DPP6: variants seen among roughly 807,000 people sequenced by gnomAD.
The protein encoded by DPP6 is A-type potassium channel modulatory protein DPP6.
In DPP6, 69 loss-of-function variants were observed where a neutral mutation model predicts 122.6. The ratio of observed to expected loss-of-function variants is 0.56; its 90% CI spans 0.46 to 0.69. The LOEUF (loss-of-function observed/expected upper bound fraction) is 0.69, where lower values mean the gene tolerates loss of function less well. DPP6 is among the 30% of genes least tolerant of loss of function. The pLI is 0.00. For missense variants in DPP6, 928 were observed against 1,116.9 expected, an observed-to-expected ratio of 0.83 and a Z score of 2.41; for synonymous variants, 418 against 433.1, an observed-to-expected ratio of 0.97 and a Z score of 0.43.
chr7:154,335,273 A>G (rs144813732), intron 1 of DPP6, among the ~76,000 whole-genome samples: 1 of 152,258 alleles, frequency 6.6e-6, no homozygotes, highest in Admixed American at 6.5e-5. Flanking sequence ...TGCTTCTCAC[A>G]TCTCTTACAC....
At chr7:154,775,616 T>C (rs1796511577) in intron 10 of DPP6, among the ~76,000 whole-genome samples, 1 of 151,760 alleles carries the variant, frequency 6.6e-6, no homozygotes, top group African/African-American at 2.4e-5. Context: ...AGAAGCTAGT[T>C]GTATAGAGGC....
At chr7:154,546,438 G>C (rs527658820) in intron 4 of DPP6, among the ~76,000 whole-genome samples, 4 of 150,844 alleles carry the variant, frequency 2.7e-5, no homozygotes, top group East Asian at 1.9e-4. Context: ...GTATGTAAGA[G>C]CTGTAGACAG....
intron 7 of DPP6, among the ~76,000 whole-genome samples, chr7:154,675,678 C>T (rs4960724): frequency 0.12 from 18,432 of 152,228 alleles, 1,206 homozygotes; most frequent in African/African-American, 0.16. Flanking sequence ...GACATGGTCC[C>T]TTTCCTCACT....
chr7:153,886,381 A>G (rs1798913908), upstream of DPP6, among the ~76,000 whole-genome samples: 1 of 152,008 alleles, frequency 6.6e-6, no homozygotes, highest in Non-Finnish European at 1.5e-5. Context: ...CTTGGGGTGG[A>G]GGTTAGAGAA....
the DPP6 span, among the ~76,000 whole-genome samples, chr7:153,827,060 T>C: frequency 6.6e-6 from 1 of 152,030 alleles, no homozygotes; most frequent in South Asian, 2.1e-4. Context: ...AAGACCATGT[T>C]TGAAAAGAAA....
rs1184154576 is a variant in DPP6, at chr7:154,030,803, C to CGGGTG, written c.51+143069_51+143070insGGGTG. On this transcript the variant is annotated intron_variant, in intron 1 of 25. Transcript: ENST00000404039. ...AGTCCCTGGTGACCACTCACACAGCCTGATCTGCTGCCAACATCTACCCCT... is the reference window on the plus strand; with the variant it reads ...AGTCCCTGGTGACCACTCACACAGCCGGGTGTGATCTGCTGCCAACATCTACCCCT... Among the ~76,000 whole-genome samples the CGGGTG allele has an allele frequency of 1.2e-4, 19 of 152,284 alleles. No individual in the cohort carries two copies. The East Asian group carries it at 3.7e-3, about 29-fold the overall frequency.
At chr7:154,574,239 G>GTGTGGTGTA (rs1831308348) in intron 5 of DPP6, among the ~76,000 whole-genome samples, 1 of 147,140 alleles carries the variant, frequency 6.8e-6, no homozygotes, top group South Asian at 2.2e-4. Flanking sequence ...TGTGTGGTGT[G>GTGTGGTGTA]GTGTGTATGT....
intron 1 of DPP6, among the ~76,000 whole-genome samples, chr7:154,087,628 C>T (rs955198550): frequency 1.3e-5 from 2 of 152,128 alleles, no homozygotes; most frequent in African/African-American, 4.8e-5. Context: ...GTCCCTAATC[C>T]AAGCCAGGAG....
intron 8 of DPP6, among the ~76,000 whole-genome samples, chr7:154,739,358 A>G (rs1842713825): frequency 6.6e-6 from 1 of 152,178 alleles, no homozygotes; most frequent in Non-Finnish European, 1.5e-5. Context: ...ATCTCTCAGA[A>G]TCAACAGGAA....
At chr7:154,054,857 C>T (rs1448426865) in intron 1 of DPP6, among the ~76,000 whole-genome samples, 1 of 149,440 alleles carries the variant, frequency 6.7e-6, no homozygotes, top group Non-Finnish European at 1.5e-5. Context: ...CTCTAGGTGT[C>T]GCTAGGAGAA....
At chr7:153,816,666 C>T in the DPP6 span, among the ~76,000 whole-genome samples, 1 of 152,104 alleles carries the variant, frequency 6.6e-6, no homozygotes, top group African/African-American at 2.4e-5. Flanking sequence ...TGACAAATTT[C>T]TGCAAGACAG....
chr7:154,865,546 C>G (rs1044214457), intron 17 of DPP6: 1 of 151,984 alleles, frequency 6.6e-6, no homozygotes, highest in Non-Finnish European at 1.5e-5. Flanking sequence ...AACTTCTAAA[C>G]ACCAGAAACT....
intron 2 of DPP6, among the ~76,000 whole-genome samples, chr7:154,454,878 G>A (rs1323528025): frequency 6.6e-6 from 1 of 152,134 alleles, no homozygotes; most frequent in Non-Finnish European, 1.5e-5. Flanking sequence ...GGATCTGCTT[G>A]AGCGTTTATC....
intron 1 of DPP6, among the ~76,000 whole-genome samples, chr7:154,129,172 A>G (rs1336076633): frequency 6.6e-6 from 1 of 151,908 alleles, no homozygotes; most frequent in Non-Finnish European, 1.5e-5. Flanking sequence ...GTCAGAGAGG[A>G]AGATTATAGA....
chr7:154,440,625 A>G (rs925077980), intron 1 of DPP6, among the ~76,000 whole-genome samples: 27 of 152,224 alleles, frequency 1.8e-4, no homozygotes, highest in Admixed American at 4.6e-4. Flanking sequence ...AGAAAAGGCC[A>G]CTTTCCATTT....
intron 1 of DPP6, among the ~76,000 whole-genome samples, chr7:154,251,299 T>C (rs1802334930): frequency 6.6e-6 from 1 of 152,084 alleles, no homozygotes. Context: ...TGAGCTTTGG[T>C]GAATGCTATG....
chr7:154,517,376 G>A (rs1826607375), intron 3 of DPP6, among the ~76,000 whole-genome samples: 1 of 152,036 alleles, frequency 6.6e-6, no homozygotes, highest in Non-Finnish European at 1.5e-5. Context: ...TTCTCCACAG[G>A]GTGAGAGTTG....
chr7:154,685,264 C>T (rs1474490222), intron 7 of DPP6, among the ~76,000 whole-genome samples: 2 of 152,154 alleles, frequency 1.3e-5, no homozygotes, highest in Non-Finnish European at 2.9e-5. Flanking sequence ...TTCCAATAAC[C>T]CTAAAATTTT....
Position 154,349,320 on chromosome 7 carries a change from C to T in DPP6, c.244-96894C>T, listed in dbSNP as rs908773799. On this transcript the variant is annotated intron_variant, in intron 1 of 25. Coordinates refer to ENST00000377770, the MANE Select transcript of DPP6 (RefSeq NM_130797.4). ...CCTCCCAAGTAGCTGGGATTACAGGCGCACGCCACCACACCTGGCTAATTT... is the reference window on the plus strand; with the variant it reads ...CCTCCCAAGTAGCTGGGATTACAGGTGCACGCCACCACACCTGGCTAATTT... Among the ~76,000 whole-genome samples, 8 of 152,280 alleles carry T rather than the reference C, an allele frequency of 5.3e-5. No homozygotes were observed. The East Asian group carries it at 5.8e-4, about 11-fold the overall frequency.
Sources: gnomAD v4.1 joint callset for allele counts (sites outside exome capture counted in the v4.1 genomes callset) on GRCh38, gnomAD v4.1.1 for gene constraint, MANE v1.5 for transcripts, NCBI Gene and HGNC (gene_info 2026-07-23, HGNC 2026-07-21) for gene names.